The following SNTG2 variants were observed in gnomAD, a reference collection of about 807,000 sequenced individuals.
The protein encoded by SNTG2 is syntrophin gamma 2, also known as gamma-2-syntrophin.
A neutral mutation model predicts 70.9 loss-of-function variants in SNTG2; 74 were observed. The ratio of observed to expected loss-of-function variants is 1.04; its 90% CI spans 0.86 to 1.27. The LOEUF (loss-of-function observed/expected upper bound fraction) is 1.27, where lower values mean the gene tolerates loss of function less well. SNTG2 is among the 50% of genes most tolerant of loss of function. The pLI, the probability that SNTG2 is intolerant of heterozygous loss-of-function variation, is 0.00. For missense variants in SNTG2, 717 were observed against 690.7 expected (o/e 1.04, Z -0.43); for synonymous variants, 278 against 273.8 (o/e 1.02, Z -0.15).
chr2:1,354,791 A>G (rs1015471212), intron 16 of SNTG2, among the ~76,000 whole-genome samples: 1 of 152,232 alleles, frequency 6.6e-6, no homozygotes, highest in Non-Finnish European at 1.5e-5. Flanking sequence ...GGTGTCGCAC[A>G]TTGCGAATGC....
At chr2:1,292,138 C>T (rs927868471) in intron 14 of SNTG2, among the ~76,000 whole-genome samples, 7 of 151,950 alleles carry the variant, frequency 4.6e-5, no homozygotes, top group South Asian at 2.1e-4. Context: ...TCAGGTTGTT[C>T]GTTGTTAGCA....
intron 1 of SNTG2, among the ~76,000 whole-genome samples, chr2:971,962 T>C (rs1158578295): frequency 1.3e-5 from 2 of 152,008 alleles, no homozygotes; most frequent in Non-Finnish European, 1.5e-5. Flanking sequence ...TGTATAGTTT[T>C]GAGTGATTTT....
chr2:1,261,663 A>C (rs968644873), intron 13 of SNTG2, among the ~76,000 whole-genome samples: 1 of 152,146 alleles, frequency 6.6e-6, no homozygotes, highest in Non-Finnish European at 1.5e-5. Context: ...TACCCCATTA[A>C]ATTTTCAGGA....
chr2:1,018,096 T>A (rs1659968341), intron 1 of SNTG2, among the ~76,000 whole-genome samples: 1 of 152,150 alleles, frequency 6.6e-6, no homozygotes, highest in African/African-American at 2.4e-5. Flanking sequence ...TAGCAAAATA[T>A]GTATGTTGTA....
At chr2:1,166,119 T>C (rs148216675) in intron 7 of SNTG2, among the ~76,000 whole-genome samples, 230 of 152,364 alleles carry the variant, frequency 1.5e-3, no homozygotes, top group African/African-American at 5.3e-3. Flanking sequence ...ACCCTAAATC[T>C]AGAAAAATGT....
At chr2:1,095,971 G>A (rs1665365258) in intron 2 of SNTG2, among the ~76,000 whole-genome samples, 1 of 152,154 alleles carries the variant, frequency 6.6e-6, no homozygotes, top group Non-Finnish European at 1.5e-5. Flanking sequence ...CCCTCAGTTG[G>A]CCATGAACAC....
chr2:1,255,429 G>A (rs1572871030), intron 12 of SNTG2, among the ~76,000 whole-genome samples: 1 of 152,116 alleles, frequency 6.6e-6, no homozygotes, highest in Non-Finnish European at 1.5e-5. Context: ...CTGTGATATG[G>A]CAGGTCTGGT....
At chr2:1,314,738 G>A (rs1681187769) in intron 15 of SNTG2, among the ~76,000 whole-genome samples, 1 of 151,572 alleles carries the variant, frequency 6.6e-6, no homozygotes, top group African/African-American at 2.4e-5. Flanking sequence ...TAAAGAAAAA[G>A]AGGTTGAATG....
At chr2:1,203,738 A>G (rs895502649) in intron 8 of SNTG2, among the ~76,000 whole-genome samples, 1 of 151,608 alleles carries the variant, frequency 6.6e-6, no homozygotes, top group African/African-American at 2.4e-5. Context: ...ATATGTATAT[A>G]TATGGACCAA....
chr2:1,125,554 C>G (rs1667646203), intron 4 of SNTG2, among the ~76,000 whole-genome samples: 1 of 152,170 alleles, frequency 6.6e-6, no homozygotes, highest in African/African-American at 2.4e-5. Flanking sequence ...TACCATACCT[C>G]CAAAACAGAA....
rs79234088 is a variant in SNTG2, at chr2:1,008,581, G to A, written c.72+57513G>A. ...TCAGACTAAATGCCTGCTTATCTAC[G>A]TCATCAAACCGTTTTTATTATTTAT... On this transcript the variant is annotated intron_variant, in intron 1 of 16. Coordinates refer to ENST00000308624, the MANE Select transcript of SNTG2 (RefSeq NM_018968.4). Among the ~76,000 whole-genome samples the A allele has an allele frequency of 3.9e-4, 59 of 152,116 alleles. 1 individual carries two copies. In the East Asian group the frequency reaches 4.8e-3, roughly 12 times the overall value.
At chr2:1,118,080 C>T (rs1239538417) in intron 4 of SNTG2, among the ~76,000 whole-genome samples, 1 of 152,092 alleles carries the variant, frequency 6.6e-6, no homozygotes, top group Non-Finnish European at 1.5e-5. Flanking sequence ...AACAACAGAC[C>T]CCAGCTTTGT....
intron 4 of SNTG2, among the ~76,000 whole-genome samples, chr2:1,113,573 CTAAG>C (rs748029979): frequency 1.1e-4 from 16 of 149,316 alleles, no homozygotes; most frequent in African/African-American, 9.9e-5. Context: ...ATCGTGTGTA[CTAAG>C]TGAGGTTTAA....
chr2:1,255,620 G>T (rs1279256153), intron 12 of SNTG2, among the ~76,000 whole-genome samples: 1 of 151,760 alleles, frequency 6.6e-6, no homozygotes, highest in Non-Finnish European at 1.5e-5. Context: ...TGGGGCGCAG[G>T]AATCTGCATC....
chr2:996,673 GT>G, intron 1 of SNTG2, among the ~76,000 whole-genome samples: 42 of 35,088 alleles, frequency 1.2e-3, no homozygotes, highest in African/African-American at 2.1e-3. Context: ...GAGTTACCCA[GT>G]TTTTTTTTTT....
chr2:1,184,062 A>G (rs1402354278), intron 8 of SNTG2, among the ~76,000 whole-genome samples: 8 of 152,180 alleles, frequency 5.3e-5, no homozygotes, highest in Non-Finnish European at 1.2e-4. Flanking sequence ...AGTTACAAGC[A>G]CTCAAGGATT....
chr2:1,101,616 G>A (rs1665784319), intron 4 of SNTG2, among the ~76,000 whole-genome samples: 1 of 95,988 alleles, frequency 1.0e-5, no homozygotes, highest in South Asian at 3.8e-4. Context: ...GAGTGCAGGA[G>A]GGCTGTGGGA....
At chr2:1,339,836 G>A (rs1169530345) in intron 16 of SNTG2, among the ~76,000 whole-genome samples, 1 of 152,226 alleles carries the variant, frequency 6.6e-6, no homozygotes. Context: ...AGATGGTCAG[G>A]TGGGGGAAAG....
chr2:1,308,500 A>G lies in SNTG2; in HGVS notation c.1291A>G (p.Thr431Ala). 6.4e-7 allele frequency: 1 copy of G among 1,551,526 alleles called. No homozygotes were observed. Among genetic ancestry groups the G allele is most frequent in the Non-Finnish European group, 8.7e-7 (1 of 1,146,898 alleles). ...AATTGATACTTTTTTCTAGTCCAGA[A>G]CATACATGTGCAGCTGGCAAGGAGA... ...FMEVQRTGSRTYMCSWQGEML... is the reference protein window; with the variant it reads ...FMEVQRTGSRAYMCSWQGEML... Residue 431 changes from threonine (T) to alanine (A), a missense_variant, in exon 15 of 17, where the codon ACA (threonine) becomes GCA (alanine). Transcript: ENST00000308624.
Sources: allele counts gnomAD v4.1 joint callset (sites outside exome capture counted in the v4.1 genomes callset), GRCh38; gene constraint gnomAD v4.1.1; transcripts MANE v1.5; gene names NCBI Gene and HGNC (gene_info 2026-07-23, HGNC 2026-07-21).